ATXN1: variants seen among roughly 807,000 people sequenced by gnomAD.
ATXN1 encodes the protein ataxin 1, also known as ataxin-1.
Under a neutral mutation model 56.4 loss-of-function variants are expected in ATXN1, and 8 were observed. The observed-to-expected ratio is 0.14, with a 90% CI of 0.08 to 0.26. The LOEUF (loss-of-function observed/expected upper bound fraction) is 0.26, where lower values mean the gene tolerates loss of function less well. ATXN1 is among the 10% of genes least tolerant of loss of function. The pLI is 1.00. For missense variants in ATXN1, 987 were observed against 1,106.5 expected (o/e 0.89, Z 1.53); for synonymous variants, 514 against 494.6 (o/e 1.04, Z -0.52).
intron 6 of ATXN1, among the ~76,000 whole-genome samples, chr6:16,398,609 T>G (rs1419788232): frequency 6.6e-6 from 1 of 152,166 alleles, no homozygotes; most frequent in Non-Finnish European, 1.5e-5. Flanking sequence ...GTTTTGTGAG[T>G]GTGTATGTGT....
chr6:16,684,469 C>G (rs1239442860), intron 2 of ATXN1, among the ~76,000 whole-genome samples: 1 of 152,148 alleles, frequency 6.6e-6, no homozygotes, highest in Non-Finnish European at 1.5e-5. Context: ...TCCACAGAGG[C>G]CTGTCTCACT....
intron 5 of ATXN1, among the ~76,000 whole-genome samples, chr6:16,521,478 A>C (rs561080010): frequency 2.0e-5 from 3 of 152,350 alleles, no homozygotes; most frequent in Non-Finnish European, 2.9e-5. Context: ...GAATGGCGTG[A>C]ACCCGGGAGG....
chr6:16,546,307 T>C (rs371007521), intron 4 of ATXN1, among the ~76,000 whole-genome samples: 17 of 152,142 alleles, frequency 1.1e-4, no homozygotes, highest in African/African-American at 2.7e-4. Flanking sequence ...TTAGGAACCA[T>C]AGAATTTTTT....
At chr6:16,732,589 ATCAC>A (rs1376939501) in intron 2 of ATXN1, among the ~76,000 whole-genome samples, 2 of 152,102 alleles carry the variant, frequency 1.3e-5, no homozygotes, top group African/African-American at 4.8e-5. Flanking sequence ...ACAAAAAAAA[ATCAC>A]TCCATTTGAT....
At chr6:16,424,490 C>T (rs1759108272) in intron 6 of ATXN1, among the ~76,000 whole-genome samples, 1 of 152,218 alleles carries the variant, frequency 6.6e-6, no homozygotes. Flanking sequence ...AGTTGATTTA[C>T]ATCCAGGGTT....
intron 6 of ATXN1, among the ~76,000 whole-genome samples, chr6:16,452,488 T>C (rs1759773609): frequency 6.6e-6 from 1 of 152,234 alleles, no homozygotes; most frequent in Admixed American, 6.5e-5. Context: ...AAACTGAATT[T>C]TTCTTTTAAA....
chr6:16,615,631 G>A (rs1254560029), intron 3 of ATXN1: 1 of 150,542 alleles, frequency 6.6e-6, no homozygotes. Flanking sequence ...ATATTCTGTG[G>A]GAAAGAGGGT....
chr6:16,559,720 A>G (rs887389463), intron 4 of ATXN1, among the ~76,000 whole-genome samples: 14 of 152,306 alleles, frequency 9.2e-5, no homozygotes, highest in Admixed American at 8.5e-4. Context: ...TACCTTCTGT[A>G]TATCTAGCAA....
intron 3 of ATXN1, among the ~76,000 whole-genome samples, chr6:16,647,357 C>T (rs913590576): frequency 7.9e-5 from 12 of 152,128 alleles, no homozygotes; most frequent in Non-Finnish European, 1.8e-4. Context: ...GAGATTAAGT[C>T]ACTTGCTCAA....
rs545556242 is a variant in ATXN1, at chr6:16,519,777, A to G, written c.-299+2850T>C. On this transcript the variant is annotated intron_variant, in intron 5 of 7. Coordinates refer to ENST00000436367, the MANE Select transcript of ATXN1 (RefSeq NM_001128164.2). ...CAGGTGCTGCCAACCCTGCTGACCC[A>G]TTCAGAGGCCTGCAGAACACTCCTA... Among the ~76,000 whole-genome samples, 377 of 152,324 alleles carry G rather than the reference A, an allele frequency of 2.5e-3. 1 individual carries two copies. Among genetic ancestry groups the G allele is most frequent in the Non-Finnish European group, 4.1e-3 (278 of 68,024 alleles).
intron 6 of ATXN1, among the ~76,000 whole-genome samples, chr6:16,383,161 C>T (rs1758169136): frequency 6.6e-6 from 1 of 152,194 alleles, no homozygotes; most frequent in African/African-American, 2.4e-5. Flanking sequence ...CCTTTCTGAC[C>T]TCACAAGGAA....
intron 7 of ATXN1, among the ~76,000 whole-genome samples, chr6:16,324,368 T>C (rs1760753768): frequency 6.6e-6 from 1 of 151,862 alleles, no homozygotes; most frequent in South Asian, 2.1e-4. Context: ...GGAGGATCGC[T>C]GGAGCCTAGG....
chr6:16,377,211 G>A (rs1762156857), intron 6 of ATXN1, among the ~76,000 whole-genome samples: 1 of 152,202 alleles, frequency 6.6e-6, no homozygotes, highest in Non-Finnish European at 1.5e-5. Context: ...AGCACTGTGA[G>A]AAATGTATTT....
rs1173805387 is a variant in ATXN1 at position 16,306,870 on chromosome 6, A to G, written c.1918-11T>C. Reference sequence around the variant, plus strand: ...AACTTCAACGCTGACCTGTGGAAACAGGGAGAGACAGAGAGAGGAAGAAGG... The same window carrying G: ...AACTTCAACGCTGACCTGTGGAAACGGGGAGAGACAGAGAGAGGAAGAAGG... On this transcript the variant is annotated splice_polypyrimidine_tract_variant and intron_variant, in intron 7 of 7. Transcript: ENST00000436367. The surrounding 1 kb of genome is among the most constrained non-coding windows in gnomAD (Gnocchi z 5.2). 1 of 1,583,780 alleles carries G rather than the reference A, an allele frequency of 6.3e-7. No individual in the cohort carries two copies. Among genetic ancestry groups the G allele is most frequent in the South Asian group, 1.1e-5 (1 of 87,602 alleles).
intron 6 of ATXN1, among the ~76,000 whole-genome samples, chr6:16,362,530 C>G: frequency 6.6e-6 from 1 of 152,136 alleles, no homozygotes; most frequent in Admixed American, 6.5e-5. Flanking sequence ...CCTCTCCTGT[C>G]ATCACCCCCG....
intron 7 of ATXN1, among the ~76,000 whole-genome samples, chr6:16,318,002 T>A (rs1382531813): frequency 6.6e-6 from 1 of 152,172 alleles, no homozygotes; most frequent in Non-Finnish European, 1.5e-5. Context: ...TGTATGAAAA[T>A]TCAATAAAAT....
intron 2 of ATXN1, chr6:16,752,897 T>C (rs1760765724): frequency 9.9e-6 from 2 of 201,148 alleles, no homozygotes; most frequent in Non-Finnish European, 2.1e-5. Flanking sequence ...AACTGTGACT[T>C]AAGATATCTG....
At chr6:16,682,330 G>T (rs1331451799) in intron 2 of ATXN1, among the ~76,000 whole-genome samples, 1 of 151,442 alleles carries the variant, frequency 6.6e-6, no homozygotes, top group East Asian at 1.9e-4. Flanking sequence ...CCAAGTAGCT[G>T]GGATTACAGG....
chr6:16,709,918 T>C (rs1000477298), intron 2 of ATXN1, among the ~76,000 whole-genome samples: 1 of 152,162 alleles, frequency 6.6e-6, no homozygotes, highest in Non-Finnish European at 1.5e-5. Flanking sequence ...TTAAAACCAA[T>C]CAATATAATT....
Sources: gnomAD v4.1 joint callset for allele counts (sites outside exome capture counted in the v4.1 genomes callset) on GRCh38, gnomAD v4.1.1 for gene constraint, Gnocchi (gnomAD v3.1) non-coding constraint, MANE v1.5 for transcripts, NCBI Gene and HGNC (gene_info 2026-07-23, HGNC 2026-07-21) for gene names.